TENM3: variants seen among roughly 807,000 people sequenced by gnomAD.
TENM3 encodes the protein teneurin-3.
In TENM3, 63 loss-of-function variants were observed where a neutral mutation model predicts 255.1. The ratio of observed to expected loss-of-function variants is 0.25; its 90% CI spans 0.20 to 0.30. The LOEUF is 0.30. Ranked by LOEUF, TENM3 falls within the 10% of genes least tolerant of loss-of-function variation. The pLI is 1.00. For synonymous variants in TENM3, 1,306 were observed against 1,322.3 expected (o/e 0.99, Z 0.27); for missense variants, 2,929 against 3,461.1 (o/e 0.85, Z 3.86).
At chr4:182,193,530 G>A (rs937940135) in intron 1 of TENM3, among the ~76,000 whole-genome samples, 4 of 152,140 alleles carry the variant, frequency 2.6e-5, no homozygotes, top group East Asian at 1.9e-4. Context: ...ACATTTGACC[G>A]GAGGCACATT....
At chr4:182,790,983 C>A (rs1298262272) in intron 25 of TENM3, among the ~76,000 whole-genome samples, 1 of 152,140 alleles carries the variant, frequency 6.6e-6, no homozygotes, top group Admixed American at 6.6e-5. Context: ...CAAAACCCAT[C>A]AAATCCACCC....
chr4:182,258,732 T>C (rs1391379890), intron 1 of TENM3, among the ~76,000 whole-genome samples: 1 of 152,194 alleles, frequency 6.6e-6, no homozygotes, highest in Non-Finnish European at 1.5e-5. Context: ...TACAAAATCA[T>C]TTTTGTAAGA....
At chr4:182,506,509 T>C (rs1736834719) in intron 3 of TENM3, among the ~76,000 whole-genome samples, 1 of 152,204 alleles carries the variant, frequency 6.6e-6, no homozygotes. Context: ...CTCCCTTCTT[T>C]ATTATTTAAT....
At chr4:181,984,085 TC>T in the TENM3 span, among the ~76,000 whole-genome samples, 1 of 151,954 alleles carries the variant, frequency 6.6e-6, no homozygotes, top group Non-Finnish European at 1.5e-5. Flanking sequence ...TCCCTTTCTG[TC>T]CCCTTTTTTG....
chr4:181,554,547 T>C, the TENM3 span, among the ~76,000 whole-genome samples: 1 of 152,184 alleles, frequency 6.6e-6, no homozygotes. Flanking sequence ...CTTCCTAGAA[T>C]TGAAGAAAAT....
intron 3 of TENM3, among the ~76,000 whole-genome samples, chr4:182,414,730 C>G (rs894444758): frequency 1.3e-5 from 2 of 152,120 alleles, no homozygotes; most frequent in Non-Finnish European, 2.9e-5. Context: ...TAAAGTATCT[C>G]AAAGATCTAT....
intron 1 of TENM3, among the ~76,000 whole-genome samples, chr4:182,270,184 T>C (rs1759523821): frequency 1.3e-5 from 2 of 152,132 alleles, no homozygotes; most frequent in Admixed American, 1.3e-4. Context: ...ATGGCAACTG[T>C]CTCTTCAGAC....
At chr4:181,743,235 C>T in the TENM3 span, among the ~76,000 whole-genome samples, 1 of 152,084 alleles carries the variant, frequency 6.6e-6, no homozygotes, top group African/African-American at 2.4e-5. Context: ...GTTCTAGATC[C>T]CTGAGGAATC....
chr4:182,678,942 T>C (rs1214023508), intron 7 of TENM3, among the ~76,000 whole-genome samples: 1 of 152,154 alleles, frequency 6.6e-6, no homozygotes, highest in Non-Finnish European at 1.5e-5. Flanking sequence ...ATGATGGTTC[T>C]CAGCAAACTA....
chr4:181,648,591 A>G, the TENM3 span, among the ~76,000 whole-genome samples: 1 of 152,198 alleles, frequency 6.6e-6, no homozygotes, highest in Non-Finnish European at 1.5e-5. Context: ...CCAATTTACA[A>G]AAGAATTCTG....
Position 182,397,235 on chromosome 4 carries a change from T to TTA in TENM3, c.511+50306_511+50307insTA, listed in dbSNP as rs552458502. Reference sequence around the variant, plus strand: ...GACAAGTAAGAAGTAGTTTTTAACATAAAAAAAAAAATCAAATTAGCTGGG... The same window carrying TTA: ...GACAAGTAAGAAGTAGTTTTTAACATTAAAAAAAAAAAATCAAATTAGCTGGG... On this transcript the variant is annotated intron_variant, in intron 3 of 27. Transcript: ENST00000511685. Among the ~76,000 whole-genome samples, 613 of 143,448 alleles carry TTA rather than the reference T, an allele frequency of 4.3e-3. 3 individuals are homozygous for TTA. The highest frequency in any genetic ancestry group is 0.015 in the African/African-American group (591 of 39,164). 94.1% of individuals were successfully genotyped at this position (143,448 alleles called of 152,430 possible). A position where few individuals can be genotyped will look rare whatever the true frequency, so the allele number is the denominator to read the frequency against.
chr4:182,425,521 A>G (rs895237033), intron 3 of TENM3, among the ~76,000 whole-genome samples: 2 of 152,212 alleles, frequency 1.3e-5, no homozygotes, highest in African/African-American at 4.8e-5. Context: ...TTTCCGTTGT[A>G]GTATGTGCTG....
chr4:182,490,334 G>C (rs7693811), intron 3 of TENM3, among the ~76,000 whole-genome samples: 63,725 of 151,980 alleles, frequency 0.42, 13,729 homozygotes, highest in Non-Finnish European at 0.46. Context: ...AACCAGCTGA[G>C]ATTGACAGGA....
chr4:182,154,244 A>T (rs1750540029), intron 1 of TENM3, among the ~76,000 whole-genome samples: 1 of 151,218 alleles, frequency 6.6e-6, no homozygotes, highest in Non-Finnish European at 1.5e-5. Context: ...TTGGTGGGAG[A>T]GTGTTACATA....
intron 3 of TENM3, among the ~76,000 whole-genome samples, chr4:182,455,345 T>C (rs1561464921): frequency 6.6e-6 from 1 of 152,112 alleles, no homozygotes; most frequent in African/African-American, 2.4e-5. Context: ...TTGCCCTGCC[T>C]TCTGCCTGTC....
At chr4:181,575,141 A>G in the TENM3 span, among the ~76,000 whole-genome samples, 1 of 152,098 alleles carries the variant, frequency 6.6e-6, no homozygotes, top group Non-Finnish European at 1.5e-5. Context: ...GTCCATCAGG[A>G]GTTTAAGTTT....
intron 20 of TENM3, among the ~76,000 whole-genome samples, chr4:182,752,405 G>C (rs75742014): frequency 0.15 from 22,271 of 151,994 alleles, 1,804 homozygotes; most frequent in Middle Eastern, 0.24. Context: ...TGAGTCCCAG[G>C]CTTCTTTAAA....
chr4:181,676,332 T>C, the TENM3 span, among the ~76,000 whole-genome samples: 1 of 152,146 alleles, frequency 6.6e-6, no homozygotes, highest in Non-Finnish European at 1.5e-5. Context: ...ATCTGGGTTC[T>C]CTTTCAGGCT....
the TENM3 span, among the ~76,000 whole-genome samples, chr4:181,929,052 C>T: frequency 5.3e-5 from 8 of 152,100 alleles, no homozygotes; most frequent in East Asian, 1.9e-4. Context: ...AACGAAAAAC[C>T]GGTACCAGCC....
Sources: gnomAD v4.1 joint callset for allele counts (sites outside exome capture counted in the v4.1 genomes callset) on GRCh38, gnomAD v4.1.1 for gene constraint, MANE v1.5 for transcripts, NCBI Gene and HGNC (gene_info 2026-07-23, HGNC 2026-07-21) for gene names.